PDE1A: variants seen among roughly 807,000 people sequenced by gnomAD.
PDE1A encodes the protein phosphodiesterase 1A.
A neutral mutation model predicts 61.7 loss-of-function variants in PDE1A; 35 were observed. The observed-to-expected ratio is 0.57, with a 90% CI of 0.43 to 0.75. PDE1A has a LOEUF of 0.75. PDE1A is among the 30% of genes least tolerant of loss of function. The pLI, the probability that PDE1A is intolerant of heterozygous loss-of-function variation, is 0.00. For missense variants in PDE1A, 597 were observed against 630.6 expected (o/e 0.95, Z 0.57); for synonymous variants, 232 against 213.2 (o/e 1.09, Z -0.77).
intron 2 of PDE1A, among the ~76,000 whole-genome samples, chr2:182,446,963 A>G (rs1314645527): frequency 6.6e-6 from 1 of 152,048 alleles, no homozygotes. Context: ...TATAGACCAC[A>G]TAGACAAATG....
At chr2:182,696,225 T>C in the PDE1A span, among the ~76,000 whole-genome samples, 2 of 152,324 alleles carry the variant, frequency 1.3e-5, no homozygotes, top group South Asian at 2.1e-4. Context: ...TGTCCTTTAG[T>C]AGATGAATGA....
intron 1 of PDE1A, among the ~76,000 whole-genome samples, chr2:182,290,075 G>A (rs1268660724): frequency 6.6e-6 from 1 of 151,986 alleles, no homozygotes; most frequent in Non-Finnish European, 1.5e-5. Context: ...GTAAATAACT[G>A]TCAATTGTGG....
intron 2 of PDE1A, among the ~76,000 whole-genome samples, chr2:182,451,044 G>A (rs1021196294): frequency 6.6e-6 from 1 of 151,962 alleles, no homozygotes; most frequent in Non-Finnish European, 1.5e-5. Flanking sequence ...CCAATGCTAT[G>A]GAAATACATG....
chr2:182,376,421 CATA>C (rs1346216589), intron 1 of PDE1A, among the ~76,000 whole-genome samples: 1 of 152,220 alleles, frequency 6.6e-6, no homozygotes, highest in Non-Finnish European at 1.5e-5. Flanking sequence ...TTTGCTAAGA[CATA>C]ATAAGAGTCA....
the PDE1A span, among the ~76,000 whole-genome samples, chr2:182,691,667 A>G: frequency 6.6e-6 from 1 of 152,340 alleles, no homozygotes; most frequent in Non-Finnish European, 1.5e-5. Flanking sequence ...AACAAAAGCC[A>G]TAATTGACAA....
At chr2:182,212,995 C>G (rs1687786451) in intron 7 of PDE1A, among the ~76,000 whole-genome samples, 1 of 150,054 alleles carries the variant, frequency 6.7e-6, no homozygotes, top group African/African-American at 2.5e-5. Flanking sequence ...CAGCAGTAAC[C>G]TCTGCAGACT....
At chr2:182,626,203 C>A in the PDE1A span, among the ~76,000 whole-genome samples, 1 of 152,226 alleles carries the variant, frequency 6.6e-6, no homozygotes, top group Admixed American at 6.5e-5. Flanking sequence ...ACTTAAACAC[C>A]AGATAGCTAT....
chr2:182,190,255 T>C (rs959611849), intron 10 of PDE1A, among the ~76,000 whole-genome samples: 4 of 152,206 alleles, frequency 2.6e-5, no homozygotes, highest in African/African-American at 9.7e-5. Context: ...CATTTCACTA[T>C]GTCATAACTC....
the PDE1A span, among the ~76,000 whole-genome samples, chr2:182,716,788 CTCTGCAGTGATGGCAAT>C: frequency 1.3e-5 from 2 of 152,214 alleles, no homozygotes; most frequent in Non-Finnish European, 2.9e-5. Context: ...CCCTCTCCCA[CTCTGCAGTGATGGCAAT>C]GCGAAAGCTT....
chr2:182,373,715 A>T (rs746280967), intron 1 of PDE1A, among the ~76,000 whole-genome samples: 23 of 152,206 alleles, frequency 1.5e-4, no homozygotes, highest in Non-Finnish European at 2.9e-4. Flanking sequence ...GTGACTAGTA[A>T]GGCTGAAAAA....
At chr2:182,645,461 C>T in the PDE1A span, among the ~76,000 whole-genome samples, 10 of 152,108 alleles carry the variant, frequency 6.6e-5, no homozygotes, top group Non-Finnish European at 1.2e-4. Context: ...GCCATTCAAG[C>T]GTGGTTGGCA....
At chr2:182,604,437 T>C in the PDE1A span, among the ~76,000 whole-genome samples, 1 of 152,172 alleles carries the variant, frequency 6.6e-6, no homozygotes, top group Non-Finnish European at 1.5e-5. Flanking sequence ...TCAATCATTA[T>C]AATCACAGAA....
At chr2:182,381,998 G>A (rs143052940) in intron 1 of PDE1A, among the ~76,000 whole-genome samples, 1 of 151,896 alleles carries the variant, frequency 6.6e-6, no homozygotes, top group East Asian at 1.9e-4. Context: ...ATTATTTGCA[G>A]TATTTATATT....
rs1042773342 is a variant in PDE1A, at chr2:182,321,993, T to C, written c.54-57579A>G. Among the ~76,000 whole-genome samples the C allele has an allele frequency of 3.3e-5, 5 of 152,306 alleles. No individual in the cohort carries two copies. In the East Asian group the frequency reaches 9.6e-4, roughly 29 times the overall value. On this transcript the variant is annotated intron_variant, in intron 1 of 13. Transcript: ENST00000351439. ...CTCTGGATTTAAAATTTCAAGGTAA[T>C]TACCTTTAGAAGGACAGTGTGGTGT...
At chr2:182,178,526 C>A (rs548038986) in intron 13 of PDE1A, among the ~76,000 whole-genome samples, 11 of 152,060 alleles carry the variant, frequency 7.2e-5, no homozygotes, top group Non-Finnish European at 1.5e-4. Context: ...CATCCCTGTG[C>A]ATTTTGAGTT....
intron 2 of PDE1A, among the ~76,000 whole-genome samples, chr2:182,516,497 A>T (rs960259747): frequency 6.6e-6 from 1 of 151,752 alleles, no homozygotes. Flanking sequence ...CTAGATCTAT[A>T]AAAAAATTAG....
chr2:182,205,441 G>A (rs1011817347), intron 8 of PDE1A, among the ~76,000 whole-genome samples: 1 of 151,970 alleles, frequency 6.6e-6, no homozygotes, highest in African/African-American at 2.4e-5. Flanking sequence ...TTTTTTTCAA[G>A]CAAACAGATG....
intron 1 of PDE1A, among the ~76,000 whole-genome samples, chr2:182,399,625 A>C (rs1701892118): frequency 6.6e-6 from 1 of 152,246 alleles, no homozygotes; most frequent in African/African-American, 2.4e-5. Context: ...ACAAGTATTT[A>C]CAAATGTATC....
chr2:182,596,697 GGAT>G, the PDE1A span, among the ~76,000 whole-genome samples: 1 of 151,964 alleles, frequency 6.6e-6, no homozygotes, highest in Non-Finnish European at 1.5e-5. Context: ...ATGGATGGAT[GGAT>G]GGATGGATGG....
Sources: allele counts gnomAD v4.1 joint callset (sites outside exome capture counted in the v4.1 genomes callset), GRCh38; gene constraint gnomAD v4.1.1; transcripts MANE v1.5; gene names NCBI Gene and HGNC (gene_info 2026-07-23, HGNC 2026-07-21).